CCDC40: variants seen among roughly 807,000 people sequenced by gnomAD.
CCDC40 encodes the protein coiled-coil domain 40 molecular ruler complex subunit, also known as coiled-coil domain-containing protein 40.
In CCDC40, 104 loss-of-function variants were observed where a neutral mutation model predicts 124.5. The ratio of observed to expected loss-of-function variants is 0.84; its 90% CI spans 0.71 to 0.98. The LOEUF is 0.98. Ranked by LOEUF, CCDC40 falls within the 50% of genes least tolerant of loss-of-function variation. The pLI, the probability that CCDC40 is intolerant of heterozygous loss-of-function variation, is 0.00. For missense variants in CCDC40, 1,463 were observed against 1,503.9 expected (o/e 0.97, Z 0.45); for synonymous variants, 580 against 602.9 (o/e 0.96, Z 0.56).
At chr17:80,090,498 C>T in intron 17 of CCDC40, 1 of 1,525,104 alleles carries the variant, frequency 6.6e-7, no homozygotes, top group Non-Finnish European at 8.8e-7. Flanking sequence ...TGCATGTCAT[C>T]TCACAAAACG....
intron 1 of CCDC40, among the ~76,000 whole-genome samples, chr17:80,037,512 T>G (rs1421776186): frequency 2.0e-5 from 3 of 150,830 alleles, no homozygotes; most frequent in Non-Finnish European, 3.0e-5. Flanking sequence ...TAATTCAGGG[T>G]GTGTGTGTGT....
Position 80,044,934 on chromosome 17 carries a change from G to A in CCDC40, c.553-2345G>A, listed in dbSNP as rs1481642739. 2.6e-5 allele frequency among the ~76,000 whole-genome samples: 4 copies of A among 152,096 alleles called. No homozygotes were observed. In the East Asian group the frequency reaches 5.8e-4, roughly 22 times the overall value. On this transcript the variant is annotated intron_variant, in intron 3 of 19. Coordinates refer to ENST00000397545, the MANE Select transcript of CCDC40 (RefSeq NM_017950.4). Reference sequence around the variant, plus strand: ...GCTTCCCACCTCCCACTGGCTCTCAGTCTTTGGGACAGTGTGAGTGGAGCT... The same window carrying A: ...GCTTCCCACCTCCCACTGGCTCTCAATCTTTGGGACAGTGTGAGTGGAGCT...
chr17:80,056,496 A>G (rs2037752567), intron 7 of CCDC40, among the ~76,000 whole-genome samples: 2 of 152,102 alleles, frequency 1.3e-5, no homozygotes, highest in Non-Finnish European at 2.9e-5. Context: ...GCATGGTGGC[A>G]TGTGCCTGGA....
At chr17:80,039,782 C>T in intron 2 of CCDC40, 30 bp from the exon 3 acceptor site, 2 of 1,611,378 alleles carry the variant, frequency 1.2e-6, no homozygotes, top group Non-Finnish European at 1.7e-6. Flanking sequence ...TACTTTGTTT[C>T]CTGATTTTTT....
chr17:80,048,467 C>G (rs2037487436), intron 4 of CCDC40, 116 bp from the exon 5 acceptor site: 2 of 849,142 alleles, frequency 2.4e-6, no homozygotes, highest in Admixed American at 4.0e-5. Context: ...TTTGCTGTCA[C>G]TTTCCCATCA....
chr17:80,059,398 T>G (rs2037838619), intron 9 of CCDC40, among the ~76,000 whole-genome samples: 1 of 147,992 alleles, frequency 6.8e-6, no homozygotes, highest in African/African-American at 2.5e-5. Flanking sequence ...GAGTAGGGAG[T>G]GGAGGGAACG....
intron 9 of CCDC40, among the ~76,000 whole-genome samples, chr17:80,064,195 C>T (rs1176883368): frequency 6.6e-6 from 1 of 152,228 alleles, no homozygotes; most frequent in Non-Finnish European, 1.5e-5. Context: ...AGCATGGTGT[C>T]TCCAGGGCGA....
intron 3 of CCDC40, among the ~76,000 whole-genome samples, chr17:80,046,647 A>G (rs2037427518): frequency 6.6e-6 from 1 of 152,022 alleles, no homozygotes; most frequent in Admixed American, 6.6e-5. Context: ...TTGCTCCCAC[A>G]TGCTGAGCGC....
intron 16 of CCDC40, among the ~76,000 whole-genome samples, chr17:80,088,821 G>A (rs1453141566): frequency 6.6e-6 from 1 of 152,136 alleles, no homozygotes; most frequent in African/African-American, 2.4e-5. Context: ...AGAAGAAAAA[G>A]ACCACCTGGG....
chr17:80,057,991 G>A (rs968516415), intron 7 of CCDC40, among the ~76,000 whole-genome samples: 16 of 152,184 alleles, frequency 1.1e-4, no homozygotes, highest in African/African-American at 3.6e-4. Context: ...GGGACAGGAT[G>A]GAAGCTGCTG....
chr17:80,057,606 G>T (rs945760627), intron 7 of CCDC40, among the ~76,000 whole-genome samples: 4 of 152,046 alleles, frequency 2.6e-5, no homozygotes, highest in African/African-American at 9.7e-5. Context: ...GCCGGGCGCG[G>T]TGGCTCATGC....
intron 7 of CCDC40, among the ~76,000 whole-genome samples, chr17:80,050,985 G>A (rs766842647): frequency 4.6e-5 from 7 of 152,188 alleles, no homozygotes; most frequent in East Asian, 1.9e-4. Flanking sequence ...GGATGTGTGC[G>A]GCAGGTCAGT....
Position 80,058,725 on chromosome 17 carries a change from C to G in CCDC40, c.1317+74C>G. The G allele has an allele frequency of 6.2e-7, 1 of 1,603,454 alleles. No individual in the cohort carries two copies. Among genetic ancestry groups the G allele is most frequent in the Non-Finnish European group, 8.5e-7 (1 of 1,170,574 alleles). ...TTCAAAAAGGGGCTCAGCTTTGCCT[C>G]CTGCGTGAAGGCTTCCGGCCGGAGG... On this transcript the variant is annotated intron_variant, in intron 8 of 19. Transcript: ENST00000397545. The surrounding 1 kb of genome is among the most constrained non-coding windows in gnomAD (Gnocchi z 4.2).
rs189118723 is a variant in CCDC40, at chr17:80,049,888, G to A, written c.856-18G>A. 2.5e-4 allele frequency: 403 copies of A among 1,611,288 alleles called. 1 individual carries two copies. The African/African-American group carries it at 4.8e-3, about 19-fold the overall frequency. On this transcript the variant is annotated intron_variant, in intron 5 of 19. Transcript: ENST00000397545. Reference sequence around the variant, plus strand: ...GGTAACCAGAAAGGTAACCACCTGTGGTTTTCCATTGTTCTAGCCCCTGAT... The same window carrying A: ...GGTAACCAGAAAGGTAACCACCTGTAGTTTTCCATTGTTCTAGCCCCTGAT...
chr17:80,040,800 A>G (rs2037259219), intron 3 of CCDC40, among the ~76,000 whole-genome samples: 1 of 152,120 alleles, frequency 6.6e-6, no homozygotes, highest in African/African-American at 2.4e-5. Flanking sequence ...GGGGGCCTCC[A>G]TAGCCGCCAT....
chr17:80,087,886 G>A lies in CCDC40; in HGVS notation c.2619+110G>A, dbSNP rs1370845043. ...TGTAATTTCCACACCCGTTCAAGAT[G>A]CTTGTAGGGGTATTAGAAATCCAGC... On this transcript the variant is annotated intron_variant, in intron 15 of 19. Coordinates refer to ENST00000397545, the MANE Select transcript of CCDC40 (RefSeq NM_017950.4). This position sits in a 1 kb window ranked among gnomAD's most constrained non-coding sequence, Gnocchi z 4.5. 1.1e-5 allele frequency: 14 copies of A among 1,282,250 alleles called. No homozygotes were observed. The highest frequency in any genetic ancestry group is 1.6e-5 in the Non-Finnish European group (14 of 879,372). The allele number at this position is 1,282,250 out of a possible 1,614,324, so 79.4% of individuals were successfully genotyped here.
chr17:80,085,384 C>T (rs1568710283), intron 13 of CCDC40, among the ~76,000 whole-genome samples: 1 of 152,226 alleles, frequency 6.6e-6, no homozygotes, highest in Non-Finnish European at 1.5e-5. Context: ...TGGCCTAATG[C>T]GTTTGAGGCC....
At position 80,050,127 on chromosome 17, in the gene CCDC40, C is replaced by G; in HGVS notation, c.1003C>G (p.Gln335Glu). Residue 335 changes from glutamine (Q) to glutamate (E), a missense_variant, in exon 7 of 20, where the codon CAG becomes GAG. Transcript: ENST00000397545. ...GCTGGGGGTGAATCTCTATGAGGTG[C>G]AGCAGCACCTGGTACACCTGCAGAA... ...QELGVNLYEV[Q>E]QHLVHLQKLL... 6.2e-7 allele frequency: 1 copy of G among 1,613,882 alleles called. No homozygotes were observed. The highest frequency in any genetic ancestry group is 8.5e-7 in the Non-Finnish European group (1 of 1,180,006).
chr17:80,078,330 CA>C (rs71163916), intron 10 of CCDC40, among the ~76,000 whole-genome samples: 237 of 67,148 alleles, frequency 3.5e-3, no homozygotes, highest in Middle Eastern at 9.1e-3. Context: ...GACTCTGTCT[CA>C]AAAAAAAAAA....
Sources: allele counts gnomAD v4.1 joint callset (sites outside exome capture counted in the v4.1 genomes callset), GRCh38; gene constraint gnomAD v4.1.1; non-coding constraint Gnocchi (gnomAD v3.1); transcripts MANE v1.5; gene names NCBI Gene and HGNC (gene_info 2026-07-23, HGNC 2026-07-21).